Variants in USP24 observed in about 807,000 individuals in gnomAD.
The protein encoded by USP24 is ubiquitin carboxyl-terminal hydrolase 24.
USP24 carries 97 observed loss-of-function variants against 361.6 expected under a neutral mutation model. That is an observed-to-expected ratio of 0.27 (90% CI 0.23 to 0.32). The LOEUF (loss-of-function observed/expected upper bound fraction) is 0.32. Ranked by LOEUF, USP24 falls within the 10% of genes least tolerant of loss-of-function variation. USP24 has a pLI of 1.00. For missense variants in USP24, 2,353 were observed against 3,165.6 expected, an observed-to-expected ratio of 0.74 and a Z score of 6.16; for synonymous variants, 1,098 against 1,124.6, an observed-to-expected ratio of 0.98 and a Z score of 0.47.
intron 28 of USP24, among the ~76,000 whole-genome samples, chr1:55,135,021 T>C (rs1471837948): frequency 2.0e-5 from 3 of 152,196 alleles, no homozygotes; most frequent in African/African-American, 7.2e-5. Flanking sequence ...TTTAATAAAT[T>C]CAGGATAAAT....
At chr1:55,157,076 A>T (rs775987860) in intron 11 of USP24, 25 bp from the exon 12 acceptor site, 1 of 1,575,874 alleles carries the variant, frequency 6.3e-7, no homozygotes, top group Non-Finnish European at 8.7e-7. Context: ...ATGAGAGAGA[A>T]AGTCAGATAT....
chr1:55,079,884 A>G (rs190491928), intron 59 of USP24, among the ~76,000 whole-genome samples: 207 of 151,784 alleles, frequency 1.4e-3, no homozygotes, highest in African/African-American at 4.8e-3. Context: ...CACACACAGT[A>G]CTCGCACACA....
chr1:55,069,254 T>C (rs768095671), intron 67 of USP24, 147 bp from the exon 68 acceptor site: 15 of 727,900 alleles, frequency 2.1e-5, no homozygotes, highest in Non-Finnish European at 3.0e-5. Flanking sequence ...AACTATTACA[T>C]CTAATATTTG....
At chr1:55,147,581 T>C (rs1288243475) in intron 18 of USP24, 68 bp downstream of exon 18, 5 of 1,416,888 alleles carry the variant, frequency 3.5e-6, no homozygotes, top group Non-Finnish European at 4.6e-6. Flanking sequence ...AAATTCTTTT[T>C]ATAGTATAAG....
rs772865911 is a variant in USP24, at chr1:55,075,625, GACAACAACA to G, written c.7381-111_7381-103del. The G allele has an allele frequency of 6.8e-3, 4,277 of 624,528 alleles. 29 individuals are homozygous for G. Among genetic ancestry groups the G allele is most frequent in the African/African-American group, 0.014 (586 of 40,910 alleles). 38.7% of individuals were successfully genotyped at this position (624,528 alleles called of 1,614,324 possible). ...TACCCAAGAGATTAATTTAGTGTTT[GACAACAACA>G]ACAACAACAACAACAACAACAACAA... On this transcript the variant is annotated intron_variant, in intron 62 of 67. Coordinates refer to ENST00000294383, the MANE Select transcript of USP24 (RefSeq NM_015306.3).
intron 36 of USP24, among the ~76,000 whole-genome samples, chr1:55,122,662 G>A (rs571321001): frequency 1.8e-4 from 27 of 152,274 alleles, no homozygotes; most frequent in Non-Finnish European, 3.1e-4. Context: ...AGAATCTAGA[G>A]AGGGCTTGAA....
At chr1:55,154,316 T>C (rs1425858781) in intron 14 of USP24, 36 bp from the exon 15 acceptor site, 23 of 1,578,282 alleles carry the variant, frequency 1.5e-5, no homozygotes, top group East Asian at 2.3e-5. Flanking sequence ...CCAGCCAATA[T>C]GCAAATAGCT....
At chr1:55,100,607 A>G (rs987658815) in intron 44 of USP24, among the ~76,000 whole-genome samples, 4 of 152,256 alleles carry the variant, frequency 2.6e-5, no homozygotes, top group Non-Finnish European at 5.9e-5. Context: ...ATCATTAAAA[A>G]TATTCAAAAT....
intron 1 of USP24, among the ~76,000 whole-genome samples, chr1:55,209,381 T>C (rs548857536): frequency 6.6e-6 from 1 of 152,298 alleles, no homozygotes; most frequent in South Asian, 2.1e-4. Flanking sequence ...AACACAGTTA[T>C]CCTCTCAGGG....
Position 55,097,673 on chromosome 1 carries a change from G to C in USP24, c.5640C>G (p.Val1880=), listed in dbSNP as rs1478465936. 6.3e-7 allele frequency: 1 copy of C among 1,587,824 alleles called. No homozygotes were observed. The highest frequency in any genetic ancestry group is 8.6e-7 in the Non-Finnish European group (1 of 1,166,150). ...CAAATCTCATTAGGTGAATTACCAA[G>C]ACGCTAGGTAAAGATTTAATACAGG... is the stretch of plus-strand genomic sequence containing the variant. ...KRTCIKSLPS[V]LVIHLMRFGF... The change falls in exon 48 of 68, where the codon GTC becomes GTG. Residue 1880 remains valine, a synonymous_variant. Coordinates refer to ENST00000294383, the MANE Select transcript of USP24 (RefSeq NM_015306.3).
intron 1 of USP24, among the ~76,000 whole-genome samples, chr1:55,182,951 G>A (rs559385986): frequency 2.6e-5 from 4 of 152,000 alleles, no homozygotes; most frequent in Admixed American, 6.6e-5. Flanking sequence ...ACTCCTGACC[G>A]CAAGTGATCT....
At position 55,138,648 on chromosome 1, in the gene USP24, T is replaced by G; in HGVS notation, c.2888A>C (p.Asn963Thr). The G allele has an allele frequency of 6.2e-7, 1 of 1,613,072 alleles. No individual in the cohort carries two copies. Among genetic ancestry groups the G allele is most frequent in the Non-Finnish European group, 8.5e-7 (1 of 1,179,438 alleles). The part of the protein sequence containing the change: ...ASFHGHLLTL[N>T]VTYESTKDTF... ...ATCTTTGGTAGACTCATAGGTAACA[T>G]TAAGGGTTAAAAGATGTCCATGAAA... The change falls in exon 26 of 68, where the codon AAT becomes ACT. Residue 963 changes from asparagine (N) to threonine (T), a missense_variant. Asn to Thr is a moderately conservative substitution (Grantham distance 65). Around this residue, in one of 8 missense-constraint regions of USP24, gnomAD observed 949 missense variants for 1,280.5 expected, o/e 0.74. Transcript: ENST00000294383.
chr1:55,191,213 T>C (rs1644276261), intron 1 of USP24, among the ~76,000 whole-genome samples: 1 of 152,336 alleles, frequency 6.6e-6, no homozygotes, highest in East Asian at 1.9e-4. Flanking sequence ...TGTTCAATTA[T>C]GATTTCTAAT....
chr1:55,176,443 C>T lies in USP24; in HGVS notation c.491G>A (p.Gly164Asp), dbSNP rs1649988482. ...ACAATTCTCATCAGACTCGGAAAGA[C>T]CTTAGTAAAATGCATGAAATAATAT... is the stretch of plus-strand genomic sequence containing the variant. ...LLASTYLARLGLSESDENCRR... is the reference protein window; with the variant it reads ...LLASTYLARLDLSESDENCRR... The change falls in exon 3 of 68, where the codon GGT becomes GAT. Residue 164 changes from glycine to aspartate, a missense_variant and splice_region_variant. This residue lies in a region of USP24 where 253 missense variants were observed against 255.3 expected (regional missense o/e 0.99). Transcript: ENST00000294383. 1.3e-6 allele frequency: 2 copies of T among 1,566,044 alleles called. No individual in the cohort carries two copies. The highest frequency in any genetic ancestry group is 8.7e-7 in the Non-Finnish European group (1 of 1,153,668).
At chr1:55,178,174 T>G (rs775528622) in intron 1 of USP24, 42 bp from the exon 2 acceptor site, 3 of 1,545,898 alleles carry the variant, frequency 1.9e-6, no homozygotes, top group Non-Finnish European at 2.6e-6. Context: ...TAAAACTAAT[T>G]AGTGATTACT....
chr1:55,102,726 T>C (rs552638151), intron 42 of USP24, among the ~76,000 whole-genome samples: 1 of 152,148 alleles, frequency 6.6e-6, no homozygotes, highest in South Asian at 2.1e-4. Flanking sequence ...GCTAAAAATA[T>C]AAATATTTAT....
chr1:55,197,009 T>C (rs1644438306), intron 1 of USP24, among the ~76,000 whole-genome samples: 1 of 152,234 alleles, frequency 6.6e-6, no homozygotes, highest in African/African-American at 2.4e-5. Flanking sequence ...TTTCCTTACA[T>C]ATAGCATATA....
Position 55,185,583 on chromosome 1 carries a change from CAG to C in USP24, c.325-7453_325-7452del, listed in dbSNP as rs557577814. Among the ~76,000 whole-genome samples, 578 of 152,146 alleles carry C rather than the reference CAG, an allele frequency of 3.8e-3. 5 individuals are homozygous for C. Among genetic ancestry groups the C allele is most frequent in the African/African-American group, 0.013 (541 of 41,538 alleles). Reference sequence around the variant, plus strand: ...CTTTTTATTTTATTTATTTTTGAGACAGAGTCTTGCTCTGTCATCCAGGCTGG... The same window carrying C: ...CTTTTTATTTTATTTATTTTTGAGACAGTCTTGCTCTGTCATCCAGGCTGG... On this transcript the variant is annotated intron_variant, in intron 1 of 67. Coordinates refer to ENST00000294383, the MANE Select transcript of USP24 (RefSeq NM_015306.3).
chr1:55,199,929 G>C (rs1644526028), intron 1 of USP24, among the ~76,000 whole-genome samples: 1 of 152,214 alleles, frequency 6.6e-6, no homozygotes, highest in Non-Finnish European at 1.5e-5. Context: ...GGAGGAGCAA[G>C]TCACGTCTTA....
Sources: gnomAD v4.1 joint callset for allele counts (sites outside exome capture counted in the v4.1 genomes callset) on GRCh38, gnomAD v4.1.1 for gene constraint, gnomAD v4.1.1 regional missense constraint, MANE v1.5 for transcripts, NCBI Gene and HGNC (gene_info 2026-07-23, HGNC 2026-07-21) for gene names.